LRIG1: variants seen among roughly 807,000 people sequenced by gnomAD.
The protein encoded by LRIG1 is leucine rich repeats and immunoglobulin like domains 1.
A neutral mutation model predicts 99.2 loss-of-function variants in LRIG1; 48 were observed. The ratio of observed to expected loss-of-function variants is 0.48; its 90% CI spans 0.38 to 0.62. The LOEUF (loss-of-function observed/expected upper bound fraction) is 0.62, where lower values mean the gene tolerates loss of function less well. Ranked by LOEUF, LRIG1 falls within the 20% of genes least tolerant of loss-of-function variation. The pLI, the probability that LRIG1 is intolerant of heterozygous loss-of-function variation, is 0.00. For missense variants in LRIG1, 1,646 were observed against 1,434.4 expected, an observed-to-expected ratio of 1.15 and a Z score of -2.38; for synonymous variants, 772 against 596.1, an observed-to-expected ratio of 1.29 and a Z score of -4.30.
chr3:66,481,993 C>T (rs1455233570), intron 1 of LRIG1, among the ~76,000 whole-genome samples: 1 of 152,178 alleles, frequency 6.6e-6, no homozygotes, highest in Non-Finnish European at 1.5e-5. Flanking sequence ...AAATAATTTC[C>T]ATTTGCTGGA....
intron 3 of LRIG1, among the ~76,000 whole-genome samples, chr3:66,437,346 C>G (rs56335050): frequency 0.05 from 7,559 of 152,308 alleles, 546 homozygotes; most frequent in African/African-American, 0.16. Context: ...CATGGCAGAA[C>G]CAGGACTCAA....
intron 3 of LRIG1, among the ~76,000 whole-genome samples, chr3:66,418,005 A>C (rs1702667790): frequency 1.3e-5 from 2 of 152,058 alleles, no homozygotes; most frequent in Non-Finnish European, 2.9e-5. Context: ...CACATAAAGC[A>C]TGTGGCAAAT....
At chr3:66,496,388 G>T (rs1175882290) in intron 1 of LRIG1, among the ~76,000 whole-genome samples, 1 of 152,172 alleles carries the variant, frequency 6.6e-6, no homozygotes, top group Non-Finnish European at 1.5e-5. Flanking sequence ...CTTAAACAGT[G>T]TGCCTTTTTC....
intron 1 of LRIG1, among the ~76,000 whole-genome samples, chr3:66,479,317 G>A (rs1306011893): frequency 6.6e-6 from 1 of 152,156 alleles, no homozygotes; most frequent in Non-Finnish European, 1.5e-5. Context: ...ATTCTCCTAG[G>A]GACACTATGT....
chr3:66,420,570 A>G (rs1358886227), intron 3 of LRIG1, among the ~76,000 whole-genome samples: 1 of 152,256 alleles, frequency 6.6e-6, no homozygotes, highest in Non-Finnish European at 1.5e-5. Context: ...ATGTCCATCA[A>G]TGTTGTATAT....
intron 3 of LRIG1, among the ~76,000 whole-genome samples, chr3:66,438,847 C>G (rs1056034430): frequency 1.3e-5 from 2 of 152,246 alleles, no homozygotes; most frequent in African/African-American, 4.8e-5. Flanking sequence ...CAACAACTCA[C>G]GCCTTTTGGC....
At chr3:66,482,877 C>A (rs1490259722) in intron 1 of LRIG1, among the ~76,000 whole-genome samples, 3 of 152,086 alleles carry the variant, frequency 2.0e-5, no homozygotes, top group Admixed American at 6.5e-5. Context: ...AGGTATTCAG[C>A]CTCACACATT....
At chr3:66,428,991 A>C (rs559971122) in intron 3 of LRIG1, among the ~76,000 whole-genome samples, 12 of 152,346 alleles carry the variant, frequency 7.9e-5, no homozygotes, top group African/African-American at 2.9e-4. Flanking sequence ...CTGGATAAAA[A>C]ACAAGAGCAG....
intron 6 of LRIG1, among the ~76,000 whole-genome samples, chr3:66,410,701 G>A (rs567397924): frequency 1.3e-5 from 2 of 152,274 alleles, no homozygotes; most frequent in East Asian, 3.9e-4. Flanking sequence ...AGTGACCCAG[G>A]CCAACAAACG....
At chr3:66,415,262 G>T (rs1422985487) in intron 4 of LRIG1, among the ~76,000 whole-genome samples, 199 bp from the exon 5 acceptor site, 1 of 152,158 alleles carries the variant, frequency 6.6e-6, no homozygotes, top group Non-Finnish European at 1.5e-5. Flanking sequence ...GTGCACCTAA[G>T]CCCTGAGGGC....
At chr3:66,451,668 A>G (rs759574115) in intron 2 of LRIG1, 35 bp from the exon 3 acceptor site, 2 of 1,509,240 alleles carry the variant, frequency 1.3e-6, no homozygotes, top group East Asian at 4.5e-5. Context: ...CATGTAAGGC[A>G]TTTGAATTAG....
chr3:66,441,169 T>C (rs972991251), intron 3 of LRIG1, among the ~76,000 whole-genome samples: 3 of 152,074 alleles, frequency 2.0e-5, no homozygotes, highest in Non-Finnish European at 4.4e-5. Flanking sequence ...TGAGTACCTC[T>C]GGGGCTGCAC....
chr3:66,406,275 C>G (rs1321679602), intron 8 of LRIG1: 7 of 985,342 alleles, frequency 7.1e-6, no homozygotes, highest in Non-Finnish European at 8.4e-6. Flanking sequence ...CATCTGCATA[C>G]TGAAAAAACC....
rs1340915066 is a variant in LRIG1 at position 66,382,180 on chromosome 3, C to T, written c.2617+93G>A. On this transcript the variant is annotated intron_variant, in intron 16 of 18. Coordinates refer to ENST00000273261, the MANE Select transcript of LRIG1 (RefSeq NM_015541.3). ...TCACCAAGTTTGCCCCATCTAATGC[C>T]AGGTACCTGCCCTGTAAAGACCTGG... is the stretch of plus-strand genomic sequence containing the variant. 6 of 1,480,772 alleles carry T rather than the reference C, an allele frequency of 4.1e-6. No homozygotes were observed. In the South Asian group the frequency reaches 4.7e-5, roughly 12 times the overall value. 91.7% of individuals were successfully genotyped at this position (1,480,772 alleles called of 1,614,324 possible).
chr3:66,394,033 G>A lies in LRIG1; in HGVS notation c.1468+7C>T. ...AAGGAGAGAAAAAGTTACAAAGACA[G>A]TCTTACCGCACACGAAACTCTCTGG... On this transcript the variant is annotated splice_region_variant and intron_variant, in intron 12 of 18. Transcript: ENST00000273261. The A allele has an allele frequency of 6.2e-7, 1 of 1,613,826 alleles. No homozygotes were observed. Among genetic ancestry groups the A allele is most frequent in the Non-Finnish European group, 8.5e-7 (1 of 1,179,912 alleles).
Position 66,381,996 on chromosome 3 carries a change from G to A in LRIG1, c.2617+277C>T, listed in dbSNP as rs9867825. The stretch of plus-strand genomic sequence containing the variant: ...GTTGGCTGGGTTCATGCACCGTAAT[G>A]CCCTTTCCAGCTGCTACTCCAGGCA... On this transcript the variant is annotated intron_variant, in intron 16 of 18. Coordinates refer to ENST00000273261, the MANE Select transcript of LRIG1 (RefSeq NM_015541.3). Among the ~76,000 whole-genome samples the A allele has an allele frequency of 2.3e-3, 351 of 152,284 alleles. 2 individuals carry two copies. Among genetic ancestry groups the A allele is most frequent in the African/African-American group, 7.9e-3 (329 of 41,552 alleles).
At chr3:66,461,530 A>C (rs1010220549) in intron 2 of LRIG1, among the ~76,000 whole-genome samples, 2 of 152,236 alleles carry the variant, frequency 1.3e-5, no homozygotes, top group African/African-American at 4.8e-5. Flanking sequence ...AAGGATAAGT[A>C]GGAAAGACTG....
rs145083312 is a variant in LRIG1 at position 66,469,870 on chromosome 3, G to C, written c.219-7361C>G. Among the ~76,000 whole-genome samples the C allele has an allele frequency of 2.8e-3, 359 of 127,412 alleles. 3 individuals are homozygous for C. The highest frequency in any genetic ancestry group is 0.024 in the East Asian group (102 of 4,318). 83.6% of individuals were successfully genotyped at this position (127,412 alleles called of 152,430 possible). On this transcript the variant is annotated intron_variant, in intron 1 of 18. Transcript: ENST00000273261. ...GAATCACTTTAGGCCTGGAATTTGA[G>C]ACCAGCCTGGGCAACATAGTGAGAC...
chr3:66,487,110 A>G (rs1029249589), intron 1 of LRIG1, among the ~76,000 whole-genome samples: 2 of 152,206 alleles, frequency 1.3e-5, no homozygotes, highest in African/African-American at 4.8e-5. Flanking sequence ...AAAGTAGAAA[A>G]TAAGGAGAAA....
Sources: allele counts gnomAD v4.1 joint callset (sites outside exome capture counted in the v4.1 genomes callset), GRCh38; gene constraint gnomAD v4.1.1; transcripts MANE v1.5; gene names NCBI Gene and HGNC (gene_info 2026-07-23, HGNC 2026-07-21).